DGKB: variants seen among roughly 807,000 people sequenced by gnomAD.
DGKB encodes diacylglycerol kinase beta.
Under a neutral mutation model 114.3 loss-of-function variants are expected in DGKB, and 67 were observed. The ratio of observed to expected loss-of-function variants is 0.59; its 90% CI spans 0.48 to 0.72. The LOEUF is 0.72. DGKB is among the 30% of genes least tolerant of loss of function. The pLI is 0.00. For missense variants in DGKB, 907 were observed against 975.2 expected (o/e 0.93, Z 0.93); for synonymous variants, 398 against 323.1 (o/e 1.23, Z -2.49).
At chr7:14,936,796 A>G (rs952197106) in intron 1 of DGKB, among the ~76,000 whole-genome samples, 4 of 152,094 alleles carry the variant, frequency 2.6e-5, no homozygotes, top group African/African-American at 9.7e-5. Flanking sequence ...CAGGCCAATA[A>G]AACTTGCCTT....
chr7:14,557,892 A>G (rs1397320058), intron 20 of DGKB, among the ~76,000 whole-genome samples: 1 of 151,562 alleles, frequency 6.6e-6, no homozygotes, highest in Non-Finnish European at 1.5e-5. Context: ...TCTTAAAATT[A>G]TTTTCCTGCA....
At chr7:14,363,568 A>T (rs1816126148) in intron 21 of DGKB, among the ~76,000 whole-genome samples, 2 of 152,048 alleles carry the variant, frequency 1.3e-5, no homozygotes, top group African/African-American at 4.8e-5. Context: ...CCTGCGATAG[A>T]GGGTTAGCTT....
At chr7:14,784,088 T>G (rs1424449585) in intron 2 of DGKB, among the ~76,000 whole-genome samples, 2 of 152,302 alleles carry the variant, frequency 1.3e-5, no homozygotes, top group East Asian at 1.9e-4. Context: ...ATGAATCTTT[T>G]AATGTAAATT....
At chr7:14,903,606 C>G (rs181618416), upstream of DGKB, among the ~76,000 whole-genome samples, 215 of 152,320 alleles carry the variant, frequency 1.4e-3, 1 homozygote, top group African/African-American at 4.7e-3. Context: ...ATTGTAGCAG[C>G]TGCAGACGCT....
At chr7:14,533,755 G>A (rs189091240) in intron 20 of DGKB, among the ~76,000 whole-genome samples, 4 of 152,004 alleles carry the variant, frequency 2.6e-5, no homozygotes, top group African/African-American at 7.2e-5. Context: ...GTCCAGGAGC[G>A]GGTGGAGTGA....
chr7:14,391,585 G>C (rs1821326165), intron 21 of DGKB, among the ~76,000 whole-genome samples: 1 of 152,004 alleles, frequency 6.6e-6, no homozygotes, highest in East Asian at 1.9e-4. Context: ...CATAGTCCCA[G>C]CTACTCAGGA....
intron 21 of DGKB, among the ~76,000 whole-genome samples, chr7:14,466,047 T>C (rs1780423588): frequency 6.6e-6 from 1 of 152,190 alleles, no homozygotes; most frequent in Non-Finnish European, 1.5e-5. Context: ...AATTATCATA[T>C]AAATCCTAAA....
At chr7:14,737,468 C>T (rs367648230) in intron 4 of DGKB, among the ~76,000 whole-genome samples, 2 of 151,334 alleles carry the variant, frequency 1.3e-5, no homozygotes, top group African/African-American at 4.9e-5. Context: ...GGAGATTGAC[C>T]GAATTTATTA....
At chr7:14,884,944 A>C (rs547913135) in intron 1 of DGKB, among the ~76,000 whole-genome samples, 1 of 152,142 alleles carries the variant, frequency 6.6e-6, no homozygotes, top group Non-Finnish European at 1.5e-5. Context: ...AACTCAGAGA[A>C]AATGAAAAAC....
At chr7:14,807,121 G>A (rs532242238) in intron 2 of DGKB, among the ~76,000 whole-genome samples, 106 of 152,030 alleles carry the variant, frequency 7.0e-4, no homozygotes, top group African/African-American at 2.4e-3. Flanking sequence ...AGCTGTAACA[G>A]TTCTGGTATT....
chr7:14,242,624 A>G (rs546514439), intron 23 of DGKB, among the ~76,000 whole-genome samples: 4 of 152,254 alleles, frequency 2.6e-5, no homozygotes, highest in African/African-American at 9.6e-5. Flanking sequence ...TTCATAAATT[A>G]TATTACAACC....
chr7:14,636,647 AG>A (rs1810811412), intron 13 of DGKB, among the ~76,000 whole-genome samples: 1 of 151,850 alleles, frequency 6.6e-6, no homozygotes, highest in Admixed American at 6.6e-5. Flanking sequence ...GGAATCTAAG[AG>A]CCCCATTATT....
chr7:14,688,463 G>A (rs957325982), intron 9 of DGKB, among the ~76,000 whole-genome samples: 5 of 152,066 alleles, frequency 3.3e-5, no homozygotes, highest in East Asian at 1.9e-4. Context: ...CTCAGAAGAC[G>A]GGTGTTATAT....
intron 23 of DGKB, among the ~76,000 whole-genome samples, chr7:14,307,353 G>A (rs1804655510): frequency 6.6e-6 from 1 of 151,758 alleles, no homozygotes; most frequent in South Asian, 2.1e-4. Flanking sequence ...CATAGAAAAG[G>A]ATGTGGTGTT....
At chr7:14,491,519 G>C (rs981420430) in intron 20 of DGKB, among the ~76,000 whole-genome samples, 4 of 151,972 alleles carry the variant, frequency 2.6e-5, no homozygotes, top group Non-Finnish European at 5.9e-5. Context: ...TAATTCACTT[G>C]ATGTTAATTT....
intron 20 of DGKB, among the ~76,000 whole-genome samples, chr7:14,485,338 T>G (rs1188788919): frequency 6.7e-6 from 1 of 150,164 alleles, no homozygotes; most frequent in Non-Finnish European, 1.5e-5. Context: ...TGTGTGTGAT[T>G]CGACAGGAAC....
chr7:14,873,867 T>C (rs1025994417), intron 1 of DGKB, among the ~76,000 whole-genome samples: 3 of 152,048 alleles, frequency 2.0e-5, no homozygotes, highest in African/African-American at 7.2e-5. Context: ...AATGGCTGTA[T>C]GTATTACATT....
intron 21 of DGKB, among the ~76,000 whole-genome samples, chr7:14,456,439 T>C (rs1461469465): frequency 6.6e-6 from 1 of 151,988 alleles, no homozygotes; most frequent in Non-Finnish European, 1.5e-5. Flanking sequence ...TCATTAGAAT[T>C]TGAGGATGTT....
chr7:14,431,949 T>C (rs958412630), intron 21 of DGKB, among the ~76,000 whole-genome samples: 2 of 151,366 alleles, frequency 1.3e-5, no homozygotes, highest in Non-Finnish European at 2.9e-5. Flanking sequence ...TTTATAAATG[T>C]ACATTTTGCA....
Sources: gnomAD v4.1 joint callset for allele counts (sites outside exome capture counted in the v4.1 genomes callset) on GRCh38, gnomAD v4.1.1 for gene constraint, MANE v1.5 for transcripts, NCBI Gene and HGNC (gene_info 2026-07-23, HGNC 2026-07-21) for gene names.